Variants in NME9 observed in about 807,000 individuals in gnomAD.
NME9 encodes NME/NM23 family member 9.
NME9 carries 48 observed loss-of-function variants against 44.4 expected under a neutral mutation model. That is an observed-to-expected ratio of 1.08 (90% CI 0.86 to 1.37). The LOEUF (loss-of-function observed/expected upper bound fraction) is 1.37, where lower values mean the gene tolerates loss of function less well. NME9 is among the 40% of genes most tolerant of loss of function. The pLI is 0.00. For synonymous variants in NME9, 139 were observed against 147.1 expected (o/e 0.94, Z 0.40); for missense variants, 325 against 405.2 (o/e 0.80, Z 1.70).
chr3:138,293,952 CT>C (rs774253948), intron 8 of NME9, among the ~76,000 whole-genome samples: 1 of 152,144 alleles, frequency 6.6e-6, no homozygotes, highest in African/African-American at 2.4e-5. Flanking sequence ...GAATCAAGGT[CT>C]GAGCTACCCA....
In NME9 at chr3:138,329,613, G is replaced by C; in HGVS notation, c.-278C>G. On this transcript the variant is annotated 5_prime_UTR_variant, in exon 1 of 11. Transcript: ENST00000333911. The stretch of plus-strand genomic sequence containing the variant: ...TCTGCGAAGCCCCCTCCCCACCCCG[G>C]AGCCGGCCAGGGGGCGCGCGCAGAG... The C allele has an allele frequency of 3.1e-6, 4 of 1,306,194 alleles. No homozygotes were observed. The highest frequency in any genetic ancestry group is 3.9e-6 in the Non-Finnish European group (4 of 1,028,962). 80.9% of individuals were successfully genotyped at this position (1,306,194 alleles called of 1,614,324 possible). A position where few individuals can be genotyped will look rare whatever the true frequency, so the allele number is the denominator to read the frequency against.
intron 9 of NME9, 53 bp downstream of exon 9, chr3:138,304,820 T>C: frequency 6.4e-7 from 1 of 1,572,068 alleles, no homozygotes; most frequent in South Asian, 1.2e-5. Flanking sequence ...GGACTCAGCC[T>C]CCTGGGATGC....
intron 8 of NME9, among the ~76,000 whole-genome samples, chr3:138,273,477 T>C (rs2048974955): frequency 6.6e-6 from 1 of 152,232 alleles, no homozygotes; most frequent in Non-Finnish European, 1.5e-5. Context: ...GGGCCTCTGC[T>C]TCTTTCCCTT....
chr3:138,267,670 G>A (rs924374218), intron 8 of NME9, among the ~76,000 whole-genome samples: 2 of 152,078 alleles, frequency 1.3e-5, no homozygotes, highest in Non-Finnish European at 2.9e-5. Context: ...TAATGTTAAT[G>A]GTAGTTGTTT....
At chr3:138,322,921 T>C (rs1447202134) in intron 2 of NME9, among the ~76,000 whole-genome samples, 1 of 152,144 alleles carries the variant, frequency 6.6e-6, no homozygotes, top group Non-Finnish European at 1.5e-5. Context: ...GAAATAATGA[T>C]TTTTTTCACC....
intron 3 of NME9, 82 bp from the exon 4 acceptor site, chr3:138,318,301 C>T: frequency 1.1e-6 from 1 of 893,058 alleles, no homozygotes; most frequent in Admixed American, 1.8e-5. Flanking sequence ...ACACAGGGAA[C>T]TGAACACCCC....
intron 8 of NME9, chr3:138,263,736 C>T: frequency 6.2e-7 from 1 of 1,612,942 alleles, no homozygotes; most frequent in Non-Finnish European, 8.5e-7. Context: ...CCTTTTTCTC[C>T]AGATCATTGA....
At chr3:138,282,628 T>G (rs1193881598) in intron 8 of NME9, among the ~76,000 whole-genome samples, 2 of 119,642 alleles carry the variant, frequency 1.7e-5, no homozygotes, top group African/African-American at 3.4e-5. Context: ...AGAGTGAGAC[T>G]CCATCTCAAA....
chr3:138,314,194 TAAAAG>T, intron 6 of NME9, 133 bp downstream of exon 6: 1 of 533,560 alleles, frequency 1.9e-6, no homozygotes, highest in Non-Finnish European at 3.3e-6. Context: ...TATCAATTTT[TAAAAG>T]AAAATTATGA....
intron 8 of NME9, among the ~76,000 whole-genome samples, chr3:138,292,817 T>C (rs1024186702): frequency 3.3e-5 from 5 of 151,968 alleles, no homozygotes; most frequent in Non-Finnish European, 5.9e-5. Flanking sequence ...AAAGGAGGAC[T>C]AAGGACCAAG....
At chr3:138,329,005 G>A (rs566275797) in intron 1 of NME9, among the ~76,000 whole-genome samples, 7 of 152,274 alleles carry the variant, frequency 4.6e-5, no homozygotes, top group Middle Eastern at 6.8e-3. Flanking sequence ...TATTTTCTTA[G>A]TTTATAGTTT....
intron 1 of NME9, 141 bp downstream of exon 1, chr3:138,329,162 G>A: frequency 1.4e-5 from 10 of 722,548 alleles, no homozygotes; most frequent in Admixed American, 6.0e-5. Context: ...AAGACGGAAG[G>A]GTACATCACT....
chr3:138,302,783 C>G (rs543597602), intron 10 of NME9, among the ~76,000 whole-genome samples: 42 of 152,334 alleles, frequency 2.8e-4, no homozygotes, highest in Non-Finnish European at 1.9e-4. Context: ...TGTGACCTCC[C>G]GAGAATCCAA....
intron 8 of NME9, among the ~76,000 whole-genome samples, chr3:138,305,339 A>G (rs1347572123): frequency 2.6e-5 from 4 of 152,220 alleles, no homozygotes; most frequent in Admixed American, 6.5e-5. Context: ...TTAAAAGACC[A>G]TATCTATGGA....
intron 8 of NME9, among the ~76,000 whole-genome samples, chr3:138,270,489 T>A (rs1423296357): frequency 6.6e-6 from 1 of 152,208 alleles, no homozygotes; most frequent in Non-Finnish European, 1.5e-5. Context: ...AGAACAACTT[T>A]ATGATACCAA....
chr3:138,262,662 T>C, intron 8 of NME9: 4 of 1,412,994 alleles, frequency 2.8e-6, no homozygotes, highest in Non-Finnish European at 3.8e-6. Flanking sequence ...ATTGGTCTGC[T>C]GTATGGCCTG....
At chr3:138,298,658 T>C (rs949517122), downstream of NME9, among the ~76,000 whole-genome samples, 3 of 152,106 alleles carry the variant, frequency 2.0e-5, no homozygotes, top group African/African-American at 7.2e-5. Context: ...CAATATCATG[T>C]CCACCCCCTC....
At chr3:138,277,836 T>TC (rs1363393758) in intron 8 of NME9, among the ~76,000 whole-genome samples, 26 of 152,318 alleles carry the variant, frequency 1.7e-4, no homozygotes, top group African/African-American at 5.8e-4. Context: ...CATAACAACT[T>TC]TATTTGTATC....
At chr3:138,279,968 A>G (rs984097829) in intron 8 of NME9, among the ~76,000 whole-genome samples, 3 of 150,256 alleles carry the variant, frequency 2.0e-5, no homozygotes, top group Admixed American at 1.3e-4. Context: ...GCAGTGGCTG[A>G]TCTCGGCTCA....
Sources: gnomAD v4.1 joint callset for allele counts (sites outside exome capture counted in the v4.1 genomes callset) on GRCh38, gnomAD v4.1.1 for gene constraint, MANE v1.5 for transcripts, NCBI Gene and HGNC (gene_info 2026-07-23, HGNC 2026-07-21) for gene names.